The following GALNT13 variants were observed in gnomAD, a reference collection of about 807,000 sequenced individuals.
GALNT13 encodes polypeptide N-acetylgalactosaminyltransferase 13.
In GALNT13, 28 loss-of-function variants were observed where a neutral mutation model predicts 64.2. The observed-to-expected ratio is 0.44, with a 90% confidence interval of 0.32 to 0.60. GALNT13 has a LOEUF of 0.60. Among genes scored for constraint, GALNT13 ranks in the 20% least tolerant of loss-of-function variants. The pLI is 0.05. For synonymous variants in GALNT13, 214 were observed against 224.6 expected (o/e 0.95, Z 0.42); for missense variants, 577 against 669.8 (o/e 0.86, Z 1.53).
At chr2:153,183,633 G>A in the GALNT13 span, among the ~76,000 whole-genome samples, 2 of 152,030 alleles carry the variant, frequency 1.3e-5, no homozygotes, top group Admixed American at 1.3e-4. Flanking sequence ...ATCCATCTTG[G>A]TTAATTTTTG....
At chr2:154,255,274 G>T (rs1473524665) in intron 7 of GALNT13, among the ~76,000 whole-genome samples, 2 of 152,154 alleles carry the variant, frequency 1.3e-5, no homozygotes, top group Admixed American at 1.3e-4. Flanking sequence ...TTATTGTAGA[G>T]GCGGGAGCAG....
At chr2:153,516,577 A>G in the GALNT13 span, among the ~76,000 whole-genome samples, 4 of 152,072 alleles carry the variant, frequency 2.6e-5, no homozygotes, top group African/African-American at 9.7e-5. Context: ...CTGTTTCCTT[A>G]ATGAAATATG....
chr2:153,818,652 A>G, the GALNT13 span, among the ~76,000 whole-genome samples: 1 of 151,968 alleles, frequency 6.6e-6, no homozygotes, highest in Non-Finnish European at 1.5e-5. Context: ...AAGGCTTGGC[A>G]CCTCCTTTGT....
At chr2:153,825,817 T>C in the GALNT13 span, among the ~76,000 whole-genome samples, 1 of 152,298 alleles carries the variant, frequency 6.6e-6, no homozygotes, top group African/African-American at 2.4e-5. Flanking sequence ...TAACATATTC[T>C]ACACTGCTTC....
At chr2:154,133,746 T>C (rs1470260703) in intron 3 of GALNT13, among the ~76,000 whole-genome samples, 3 of 151,674 alleles carry the variant, frequency 2.0e-5, no homozygotes, top group Non-Finnish European at 4.4e-5. Flanking sequence ...CCAAAATTGA[T>C]GCACAATGCT....
intron 3 of GALNT13, among the ~76,000 whole-genome samples, chr2:154,009,989 T>G (rs1471293735): frequency 6.6e-6 from 1 of 152,194 alleles, no homozygotes; most frequent in Non-Finnish European, 1.5e-5. Context: ...GAAATGTTAC[T>G]GAGTTTTATA....
the GALNT13 span, among the ~76,000 whole-genome samples, chr2:153,359,457 G>C: frequency 1.3e-5 from 2 of 151,640 alleles, no homozygotes; most frequent in African/African-American, 4.8e-5. Flanking sequence ...ACAAAATTGA[G>C]TAAAACAGGA....
chr2:153,129,640 G>A, the GALNT13 span, among the ~76,000 whole-genome samples: 1 of 152,032 alleles, frequency 6.6e-6, no homozygotes, highest in Admixed American at 6.6e-5. Context: ...GAGCATGATG[G>A]CATGCATCTG....
the GALNT13 span, among the ~76,000 whole-genome samples, chr2:153,822,905 T>C: frequency 1.3e-5 from 2 of 152,186 alleles, no homozygotes; most frequent in African/African-American, 4.8e-5. Context: ...TTAGAACTGA[T>C]GAACAACTTC....
chr2:153,168,015 G>A, the GALNT13 span, among the ~76,000 whole-genome samples: 1 of 152,114 alleles, frequency 6.6e-6, no homozygotes, highest in Admixed American at 6.5e-5. Context: ...GACTCCTCAA[G>A]ATTTAGCCAT....
chr2:154,416,904 G>A (rs932525512), intron 11 of GALNT13, among the ~76,000 whole-genome samples: 1 of 152,096 alleles, frequency 6.6e-6, no homozygotes, highest in Non-Finnish European at 1.5e-5. Context: ...ACCATATCCT[G>A]GGCTTGCAGC....
chr2:153,939,839 AG>A, intron 2 of GALNT13, among the ~76,000 whole-genome samples: 1 of 152,334 alleles, frequency 6.6e-6, no homozygotes, highest in Non-Finnish European at 1.5e-5. Context: ...TAGCCTTACA[AG>A]GTAACTACTA....
At chr2:153,307,585 T>C in the GALNT13 span, among the ~76,000 whole-genome samples, 1 of 152,222 alleles carries the variant, frequency 6.6e-6, no homozygotes, top group East Asian at 1.9e-4. Flanking sequence ...TTATAAAATA[T>C]GGAAGTAATA....
intron 3 of GALNT13, among the ~76,000 whole-genome samples, chr2:154,052,313 A>G (rs1699667366): frequency 6.6e-6 from 1 of 152,182 alleles, no homozygotes; most frequent in South Asian, 2.1e-4. Context: ...GTCATCTTAC[A>G]TAACTCATCT....
At chr2:154,221,596 A>T (rs1298940516) in intron 4 of GALNT13, among the ~76,000 whole-genome samples, 2 of 152,094 alleles carry the variant, frequency 1.3e-5, no homozygotes, top group African/African-American at 4.8e-5. Context: ...GGTTCTCCTT[A>T]GAGAATGAAA....
intron 9 of GALNT13, among the ~76,000 whole-genome samples, chr2:154,315,278 A>G (rs541548388): frequency 2.0e-5 from 3 of 152,304 alleles, no homozygotes; most frequent in Non-Finnish European, 2.9e-5. Flanking sequence ...TAAAAATTCT[A>G]TACTTATTAG....
the GALNT13 span, among the ~76,000 whole-genome samples, chr2:153,813,484 A>C: frequency 6.6e-6 from 1 of 152,062 alleles, no homozygotes; most frequent in African/African-American, 2.4e-5. Context: ...CCAATTCCCC[A>C]TTATGAGTTA....
intron 4 of GALNT13, among the ~76,000 whole-genome samples, chr2:154,234,442 T>C (rs1689085135): frequency 6.6e-6 from 1 of 152,146 alleles, no homozygotes; most frequent in Admixed American, 6.6e-5. Flanking sequence ...TCACATATTT[T>C]AAATGGCAGA....
the GALNT13 span, among the ~76,000 whole-genome samples, chr2:153,725,450 G>A: frequency 1.3e-5 from 2 of 148,504 alleles, no homozygotes; most frequent in East Asian, 2.0e-4. Context: ...AAAACTTAAA[G>A]TATAATTAAA....
Sources: allele counts gnomAD v4.1 joint callset (sites outside exome capture counted in the v4.1 genomes callset), GRCh38; gene constraint gnomAD v4.1.1; transcripts MANE v1.5; gene names NCBI Gene and HGNC (gene_info 2026-07-23, HGNC 2026-07-21).